The following SLC22A14 variants were observed in gnomAD, a reference collection of about 807,000 sequenced individuals.
SLC22A14 encodes the protein organic cation transporter-like 4.
A neutral mutation model predicts 53.9 loss-of-function variants in SLC22A14; 50 were observed. The ratio of observed to expected loss-of-function variants is 0.93; its 90% confidence interval spans 0.74 to 1.17. The LOEUF is 1.17. SLC22A14 is among the 50% of genes most tolerant of loss of function. The probability of loss-of-function intolerance (pLI) is 0.00; values close to 1 mark genes in which losing one functional copy is unlikely to be tolerated. For missense variants in SLC22A14, 671 were observed against 734.7 expected (o/e 0.91, Z 1.00); for synonymous variants, 312 against 303.0 (o/e 1.03, Z -0.31).
Position 38,315,627 on chromosome 3 carries a change from T to C in SLC22A14, c.1448T>C (p.Val483Ala). 1 of 1,614,116 alleles carries C rather than the reference T, an allele frequency of 6.2e-7. No homozygotes were observed. Among genetic ancestry groups the C allele is most frequent in the Non-Finnish European group, 8.5e-7 (1 of 1,179,992 alleles). ...GAGCTGAAATCCATGACGATCTTGG[T>C]GCTCATGCTCAGAGAGTTCAGCCTG... The part of the protein sequence containing the change: ...ATELKSMTIL[V>A]LMLREFSLAA... Residue 483 changes from valine (V) to alanine (A), a missense_variant, in exon 9 of 11, where the codon GTG (valine) becomes GCG (alanine). Coordinates refer to ENST00000448498, the MANE Select transcript of SLC22A14 (RefSeq NM_001320033.2).
At chr3:38,308,388 CTT>C (rs1704375488) in intron 4 of SLC22A14, among the ~76,000 whole-genome samples, 2 of 152,244 alleles carry the variant, frequency 1.3e-5, no homozygotes, top group Non-Finnish European at 2.9e-5. Flanking sequence ...GAGGAGGACT[CTT>C]TAGCCTCAGA....
At chr3:38,308,898 G>A (rs1704388453) in intron 4 of SLC22A14, 56 bp from the exon 5 acceptor site, 6 of 1,546,098 alleles carry the variant, frequency 3.9e-6, no homozygotes, top group Middle Eastern at 1.8e-4. Flanking sequence ...TGGATGCAAG[G>A]GCAGCCCTGG....
chr3:38,314,336 G>A (rs1704566534), intron 8 of SLC22A14, among the ~76,000 whole-genome samples: 1 of 152,252 alleles, frequency 6.6e-6, no homozygotes, highest in South Asian at 2.1e-4. Flanking sequence ...ACTGGGAAAT[G>A]CCTGTTGTTC....
chr3:38,283,914 A>G (rs1214398239), intron 1 of SLC22A14, among the ~76,000 whole-genome samples: 1 of 152,202 alleles, frequency 6.6e-6, no homozygotes, highest in Non-Finnish European at 1.5e-5. Flanking sequence ...CAGATTTGCT[A>G]ATTGTTGCCA....
At chr3:38,292,152 T>C (rs1013153558) in intron 1 of SLC22A14, among the ~76,000 whole-genome samples, 9 of 152,200 alleles carry the variant, frequency 5.9e-5, no homozygotes, top group African/African-American at 2.2e-4. Context: ...TAAAAGTAAA[T>C]CATCCATGTA....
In SLC22A14 at chr3:38,306,311, G is replaced by A; in HGVS notation, c.285G>A (p.Lys95=). 6.2e-7 allele frequency: 1 copy of A among 1,614,138 alleles called. No homozygotes were observed. Among genetic ancestry groups the A allele is most frequent in the South Asian group, 1.1e-5 (1 of 91,076 alleles). ...ACCACTTCGTGTTCACAGCCCAGAA[G>A]CCCTATTGCAATACCAGCTGGATCC... ...FADHFVFTAQ[K]PYCNTSWILA... is the part of the protein sequence containing the mutation. Residue 95 remains lysine, a synonymous_variant, in exon 2 of 11, where the codon AAG becomes AAA. Coordinates refer to ENST00000448498, the MANE Select transcript of SLC22A14 (RefSeq NM_001320033.2).
chr3:38,305,655 A>G (rs1575416030), intron 1 of SLC22A14: 2 of 185,162 alleles, frequency 1.1e-5, no homozygotes, highest in East Asian at 2.9e-4. Context: ...TTTTTGAAGA[A>G]AAGGTCCCTA....
intron 1 of SLC22A14, among the ~76,000 whole-genome samples, chr3:38,286,813 C>A (rs543193050): frequency 6.6e-6 from 1 of 151,724 alleles, no homozygotes; most frequent in African/African-American, 2.4e-5. Flanking sequence ...CTCACTGCAG[C>A]CTCTGCCTCC....
At chr3:38,290,682 C>T (rs562996001) in intron 1 of SLC22A14, among the ~76,000 whole-genome samples, 3 of 152,202 alleles carry the variant, frequency 2.0e-5, no homozygotes, top group African/African-American at 4.8e-5. Flanking sequence ...TTTCCTTCTT[C>T]GTTGGCTAGC....
intron 1 of SLC22A14, among the ~76,000 whole-genome samples, chr3:38,303,307 A>G (rs1344505228): frequency 1.3e-5 from 2 of 151,900 alleles, no homozygotes; most frequent in Non-Finnish European, 2.9e-5. Context: ...CCCACTTCTT[A>G]TGATGGTTGT....
At chr3:38,284,867 T>C (rs1321104985) in intron 1 of SLC22A14, among the ~76,000 whole-genome samples, 1 of 152,082 alleles carries the variant, frequency 6.6e-6, no homozygotes, top group African/African-American at 2.4e-5. Context: ...TGTAAGGAAA[T>C]GGACACCTCG....
chr3:38,287,029 G>A (rs1703809403), intron 1 of SLC22A14, among the ~76,000 whole-genome samples: 1 of 152,062 alleles, frequency 6.6e-6, no homozygotes, highest in African/African-American at 2.4e-5. Flanking sequence ...GACCCACTGT[G>A]CTTGGCTTGA....
At chr3:38,299,421 T>A (rs776692736) in intron 1 of SLC22A14, among the ~76,000 whole-genome samples, 13 of 152,342 alleles carry the variant, frequency 8.5e-5, no homozygotes, top group Non-Finnish European at 1.8e-4. Context: ...GATACATGTA[T>A]ATTCTTATAT....
chr3:38,317,171 GT>G (rs1704646780), intron 10 of SLC22A14, among the ~76,000 whole-genome samples: 1 of 152,210 alleles, frequency 6.6e-6, no homozygotes. Context: ...AGGAGCAGAG[GT>G]TGCCCGAGGC....
intron 1 of SLC22A14, among the ~76,000 whole-genome samples, chr3:38,285,891 G>T (rs568004586): frequency 3.9e-5 from 6 of 152,282 alleles, no homozygotes; most frequent in African/African-American, 1.2e-4. Context: ...GAATAATTCT[G>T]CCAGGAATGT....
At chr3:38,283,723 G>A (rs759126081) in intron 1 of SLC22A14, among the ~76,000 whole-genome samples, 1 of 152,072 alleles carries the variant, frequency 6.6e-6, no homozygotes, top group Non-Finnish European at 1.5e-5. Flanking sequence ...CCAGCTACTC[G>A]GGAGGCTGAG....
At chr3:38,299,398 T>C (rs1048435483) in intron 1 of SLC22A14, among the ~76,000 whole-genome samples, 1 of 152,188 alleles carries the variant, frequency 6.6e-6, no homozygotes, top group Non-Finnish European at 1.5e-5. Flanking sequence ...TGTATTTTTT[T>C]CACAAATGAG....
At position 38,307,111 on chromosome 3, in the gene SLC22A14, G is replaced by A. The variant is rs964305697; in HGVS notation, c.517-143G>A. 10 of 680,542 alleles carry A rather than the reference G, an allele frequency of 1.5e-5. No homozygotes were observed. In the African/African-American group the frequency reaches 1.6e-4, roughly 11 times the overall value. 42.2% of individuals were successfully genotyped at this position (680,542 alleles called of 1,614,324 possible). ...GAGGGGTTGCAGAGGTAACAGAGCA[G>A]AGGCAACAGCTGAGGCACGCTGCAC... On this transcript the variant is annotated intron_variant, in intron 2 of 10. Transcript: ENST00000448498. The surrounding 1 kb of genome is among the most constrained non-coding windows in gnomAD (Gnocchi z 4.4).
chr3:38,317,187 G>C (rs940039242), intron 10 of SLC22A14, among the ~76,000 whole-genome samples: 1 of 152,226 alleles, frequency 6.6e-6, no homozygotes, highest in Non-Finnish European at 1.5e-5. Flanking sequence ...CGAGGCCCTA[G>C]AGTGTCCTCT....
Sources: allele counts gnomAD v4.1 joint callset (sites outside exome capture counted in the v4.1 genomes callset), GRCh38; gene constraint gnomAD v4.1.1; non-coding constraint Gnocchi (gnomAD v3.1); transcripts MANE v1.5; gene names NCBI Gene and HGNC (gene_info 2026-07-23, HGNC 2026-07-21).